ANKS1B: variants seen among roughly 807,000 people sequenced by gnomAD.
ANKS1B encodes ankyrin repeat and sterile alpha motif domain containing 1B, also known as ankyrin repeat and sterile alpha motif domain-containing protein 1B.
ANKS1B carries 36 observed loss-of-function variants against 148.3 expected under a neutral mutation model. The observed-to-expected ratio is 0.24, with a 90% CI of 0.19 to 0.32. The LOEUF (loss-of-function observed/expected upper bound fraction) is 0.32, where lower values mean the gene tolerates loss of function less well. Among genes scored for constraint, ANKS1B ranks in the 10% least tolerant of loss-of-function variants. The pLI is 1.00. For missense variants in ANKS1B, 1,157 were observed against 1,542.6 expected (o/e 0.75, Z 4.19); for synonymous variants, 542 against 560.8 (o/e 0.97, Z 0.47).
chr12:99,373,027 GT>G lies in ANKS1B; in HGVS notation c.1756+26603del, dbSNP rs1227635250. Among the ~76,000 whole-genome samples, 7 of 152,246 alleles carry G rather than the reference GT, an allele frequency of 4.6e-5. 1 individual carries two copies. The highest frequency in any genetic ancestry group is 1.7e-4 in the African/African-American group (7 of 41,556). On this transcript the variant is annotated intron_variant, in intron 12 of 26. Coordinates refer to ENST00000683438, the MANE Select transcript of ANKS1B (RefSeq NM_001352186.2). ...TCTTCCTCATAGATAGATCATGAAA[GT>G]TTGAGGTACCATGAAATATGATGTG...
At chr12:99,023,767 A>G (rs2099947167) in intron 17 of ANKS1B, among the ~76,000 whole-genome samples, 1 of 150,890 alleles carries the variant, frequency 6.6e-6, no homozygotes, top group Admixed American at 6.6e-5. Context: ...ATATCTATAT[A>G]CCTCTCTGTG....
Position 99,139,440 on chromosome 12 carries a change from T to TCTTTC in ANKS1B, c.2526+14848_2526+14849insGAAAG, listed in dbSNP as rs2069664086. 3.0e-3 allele frequency among the ~76,000 whole-genome samples: 14 copies of TCTTTC among 4,732 alleles called. 6 individuals carry two copies. Among genetic ancestry groups the TCTTTC allele is most frequent in the African/African-American group, 0.024 (14 of 592 alleles). 3.1% of individuals were successfully genotyped at this position (4,732 alleles called of 152,430 possible). On this transcript the variant is annotated intron_variant, in intron 15 of 26. Transcript: ENST00000683438. The stretch of plus-strand genomic sequence containing the variant: ...TTTCTTTCTTTCTTTCTTTCTTTCT[T>TCTTTC]TTTCTTTCTTTCTTTCTTTCAAGAT...
chr12:99,123,700 T>C (rs1375262371), intron 15 of ANKS1B, among the ~76,000 whole-genome samples: 3 of 152,104 alleles, frequency 2.0e-5, no homozygotes, highest in Non-Finnish European at 4.4e-5. Flanking sequence ...TGGAGTCTGA[T>C]GTATGAGGGC....
chr12:99,136,747 G>A (rs747482225), intron 15 of ANKS1B, among the ~76,000 whole-genome samples: 1 of 152,208 alleles, frequency 6.6e-6, no homozygotes, highest in Non-Finnish European at 1.5e-5. Context: ...GCTGGGAACA[G>A]GGAGAAGAAT....
At chr12:99,805,280 A>AAAAAAAAAAAAAAAAAAAAAAAAC (rs2067483197) in intron 4 of ANKS1B, among the ~76,000 whole-genome samples, 1 of 148,062 alleles carries the variant, frequency 6.8e-6, no homozygotes, top group Non-Finnish European at 1.5e-5. Context: ...AAAAAAAAAA[A>AAAAAAAAAAAAAAAAAAAAAAAAC]AAAAAAAAGA....
At chr12:99,541,687 T>C (rs1424178433) in intron 9 of ANKS1B, among the ~76,000 whole-genome samples, 1 of 151,888 alleles carries the variant, frequency 6.6e-6, no homozygotes, top group Non-Finnish European at 1.5e-5. Context: ...AAACCCCATC[T>C]CTACTAAAAA....
At chr12:99,698,272 T>C (rs932473998) in intron 8 of ANKS1B, among the ~76,000 whole-genome samples, 2 of 152,160 alleles carry the variant, frequency 1.3e-5, no homozygotes, top group Non-Finnish European at 2.9e-5. Flanking sequence ...TTGAATACAA[T>C]ACTGTTTCCA....
intron 10 of ANKS1B, among the ~76,000 whole-genome samples, chr12:99,490,528 A>C (rs1308762382): frequency 6.6e-6 from 1 of 152,214 alleles, no homozygotes; most frequent in Non-Finnish European, 1.5e-5. Context: ...TAATACCCAA[A>C]AATAACACCT....
At chr12:99,438,064 T>A (rs961310045) in intron 11 of ANKS1B, among the ~76,000 whole-genome samples, 5 of 151,810 alleles carry the variant, frequency 3.3e-5, no homozygotes, top group Non-Finnish European at 7.4e-5. Context: ...CACTTTAAAA[T>A]TTTTTTTCTT....
chr12:99,085,714 G>T (rs187242188), intron 15 of ANKS1B, among the ~76,000 whole-genome samples: 59 of 152,280 alleles, frequency 3.9e-4, no homozygotes, highest in Admixed American at 1.6e-3. Flanking sequence ...TCATTTGCAG[G>T]GACATGGATG....
At chr12:99,890,561 C>T (rs1032287626) in intron 1 of ANKS1B, among the ~76,000 whole-genome samples, 14 of 148,210 alleles carry the variant, frequency 9.4e-5, no homozygotes, top group South Asian at 2.2e-4. Flanking sequence ...CTTTCTCACT[C>T]GCATTCATGG....
intron 2 of ANKS1B, among the ~76,000 whole-genome samples, chr12:99,817,819 T>C (rs1403176971): frequency 2.0e-5 from 3 of 151,860 alleles, no homozygotes; most frequent in Non-Finnish European, 2.9e-5. Context: ...TTTCGAGAAA[T>C]GTCTATAATC....
intron 14 of ANKS1B, among the ~76,000 whole-genome samples, chr12:99,165,931 T>A (rs1192966104): frequency 6.6e-6 from 1 of 151,860 alleles, no homozygotes; most frequent in African/African-American, 2.4e-5. Flanking sequence ...TGATACAATA[T>A]GACTAAGTGA....
intron 15 of ANKS1B, among the ~76,000 whole-genome samples, chr12:99,086,067 A>C (rs1470887779): frequency 6.6e-6 from 1 of 152,194 alleles, no homozygotes; most frequent in Non-Finnish European, 1.5e-5. Flanking sequence ...TGAAGATTGA[A>C]TGATGAATAT....
chr12:99,976,357 A>T (rs1463466214), intron 1 of ANKS1B, among the ~76,000 whole-genome samples: 2 of 152,190 alleles, frequency 1.3e-5, no homozygotes. Flanking sequence ...AATTTTTTTT[A>T]AATATTCAGA....
At chr12:99,104,270 T>C (rs975674118) in intron 15 of ANKS1B, among the ~76,000 whole-genome samples, 2 of 152,174 alleles carry the variant, frequency 1.3e-5, no homozygotes, top group Non-Finnish European at 2.9e-5. Flanking sequence ...TGTATGTGTA[T>C]GTTGGGGGAG....
At chr12:99,809,546 C>T (rs2068073671) in intron 3 of ANKS1B, among the ~76,000 whole-genome samples, 1 of 151,878 alleles carries the variant, frequency 6.6e-6, no homozygotes, top group Non-Finnish European at 1.5e-5. Flanking sequence ...CGGGTAGAGT[C>T]CACTTTGTTT....
chr12:99,552,279 T>C (rs1443208299), intron 9 of ANKS1B, among the ~76,000 whole-genome samples: 3 of 152,216 alleles, frequency 2.0e-5, no homozygotes, highest in Admixed American at 6.5e-5. Context: ...CAGTTGGTCT[T>C]TTTCTTATTG....
intron 16 of ANKS1B, among the ~76,000 whole-genome samples, chr12:99,067,765 C>G (rs1264811781): frequency 2.6e-5 from 4 of 152,078 alleles, no homozygotes; most frequent in Non-Finnish European, 4.4e-5. Context: ...AAGGGATAAT[C>G]TAAGAACTAT....
Sources: allele counts gnomAD v4.1 joint callset (sites outside exome capture counted in the v4.1 genomes callset), GRCh38; gene constraint gnomAD v4.1.1; transcripts MANE v1.5; gene names NCBI Gene and HGNC (gene_info 2026-07-23, HGNC 2026-07-21).